The following PRKN variants were observed in gnomAD, a reference collection of about 807,000 sequenced individuals.
The protein encoded by PRKN is E3 ubiquitin-protein ligase parkin.
In PRKN, 56 loss-of-function variants were observed where a neutral mutation model predicts 59.5. The observed-to-expected ratio is 0.94, with a 90% confidence interval of 0.76 to 1.18. PRKN has a LOEUF of 1.18. Among genes scored for constraint, PRKN ranks in the 50% most tolerant of loss-of-function variants. PRKN has a pLI of 0.00. For synonymous variants in PRKN, 250 were observed against 222.1 expected (o/e 1.13, Z -1.12); for missense variants, 657 against 596.4 (o/e 1.10, Z -1.06).
chr6:162,256,826 A>C (rs946656689), intron 3 of PRKN, among the ~76,000 whole-genome samples: 4 of 152,160 alleles, frequency 2.6e-5, no homozygotes, highest in African/African-American at 9.7e-5. Context: ...TTGAAATCAC[A>C]ATATGACCTT....
intron 1 of PRKN, among the ~76,000 whole-genome samples, chr6:162,641,331 TAA>T (rs796494994): frequency 2.6e-5 from 4 of 152,158 alleles, no homozygotes; most frequent in African/African-American, 9.6e-5. Context: ...GCATTAGATG[TAA>T]AAGACATTTT....
intron 7 of PRKN, among the ~76,000 whole-genome samples, chr6:161,743,959 G>A (rs1316290756): frequency 3.3e-5 from 5 of 152,032 alleles, no homozygotes; most frequent in Non-Finnish European, 7.4e-5. Context: ...ACTGTTCCAC[G>A]GAGCCCTGGG....
At chr6:161,668,267 A>G (rs1362829282) in intron 7 of PRKN, among the ~76,000 whole-genome samples, 1 of 92,720 alleles carries the variant, frequency 1.1e-5, no homozygotes, top group Admixed American at 1.8e-4. Flanking sequence ...TCATATAAAG[A>G]AAAAAAAAAA....
intron 6 of PRKN, among the ~76,000 whole-genome samples, chr6:161,842,466 T>TA (rs61182650): frequency 0.34 from 46,690 of 135,644 alleles, 7,972 homozygotes; most frequent in East Asian, 0.46. Flanking sequence ...AATGAGACTC[T>TA]AAAAAAAAAA....
chr6:162,716,417 G>A lies in PRKN; in HGVS notation c.7+11245C>T. Among the ~76,000 whole-genome samples, 2 of 152,112 alleles carry A rather than the reference G, an allele frequency of 1.3e-5. 1 individual carries two copies. On this transcript the variant is annotated intron_variant, in intron 1 of 11. Transcript: ENST00000366898. Reference sequence around the variant, plus strand: ...CCCATATTAGTTATTATTTACAAAGGACAGGACAATGTTAAACTATTCCAG... The same window carrying A: ...CCCATATTAGTTATTATTTACAAAGAACAGGACAATGTTAAACTATTCCAG...
intron 2 of PRKN, among the ~76,000 whole-genome samples, chr6:162,319,188 C>A (rs1459874761): frequency 1.3e-5 from 2 of 151,854 alleles, no homozygotes; most frequent in Non-Finnish European, 2.9e-5. Flanking sequence ...ATAAAGTAAA[C>A]TAGTAAATTG....
chr6:161,965,643 T>C (rs1337774590), intron 6 of PRKN, among the ~76,000 whole-genome samples: 1 of 151,940 alleles, frequency 6.6e-6, no homozygotes, highest in Non-Finnish European at 1.5e-5. Context: ...CACAGCTTGG[T>C]TTTATACATG....
chr6:161,459,641 A>G lies in PRKN; in HGVS notation c.1084-72764T>C, dbSNP rs1261077896. Among the ~76,000 whole-genome samples, 2 of 152,180 alleles carry G rather than the reference A, an allele frequency of 1.3e-5. No individual in the cohort carries two copies. The highest frequency in any genetic ancestry group is 6.5e-5 in the Admixed American group (1 of 15,288). ...CTGTCAGCCCTAGAACTCCCTCACA[A>G]GCAAGCTATTTTCCCGTTTTTCTCA... On this transcript the variant is annotated intron_variant, in intron 9 of 11. Coordinates refer to ENST00000366898, the MANE Select transcript of PRKN (RefSeq NM_004562.3). The surrounding 1 kb of genome is among the most constrained non-coding windows in gnomAD (Gnocchi z 4.8).
chr6:162,708,915 G>A (rs548324529), intron 1 of PRKN, among the ~76,000 whole-genome samples: 1 of 152,278 alleles, frequency 6.6e-6, no homozygotes, highest in Non-Finnish European at 1.5e-5. Flanking sequence ...ACCTTCCTCT[G>A]TATTTACAGG....
chr6:161,958,790 G>T (rs867696431), intron 6 of PRKN, among the ~76,000 whole-genome samples: 10 of 151,738 alleles, frequency 6.6e-5, no homozygotes, highest in Middle Eastern at 3.4e-3. Flanking sequence ...TGAGGCAGAA[G>T]AATTGCTTGC....
At chr6:162,304,488 GT>G (rs1782122196) in intron 2 of PRKN, among the ~76,000 whole-genome samples, 1 of 134,206 alleles carries the variant, frequency 7.5e-6, no homozygotes, top group South Asian at 2.4e-4. Context: ...GACTCATCCA[GT>G]TCTATCTATC....
At position 162,404,029 on chromosome 6, in the gene PRKN, T is replaced by G. The variant is rs7769770; in HGVS notation, c.171+39281A>C. On this transcript the variant is annotated intron_variant, in intron 2 of 11. Coordinates refer to ENST00000366898, the MANE Select transcript of PRKN (RefSeq NM_004562.3). ...AGTAGGTCTTCCCTATCCTAATACA[T>G]AAAATAGAGGTTGGTTGGCAATTTG... Among the ~76,000 whole-genome samples, 931 of 152,220 alleles carry G rather than the reference T, an allele frequency of 6.1e-3. 7 individuals carry two copies. The highest frequency in any genetic ancestry group is 0.019 in the African/African-American group (779 of 41,534).
intron 1 of PRKN, among the ~76,000 whole-genome samples, chr6:162,638,722 A>C (rs1339811877): frequency 6.9e-6 from 1 of 145,074 alleles, no homozygotes; most frequent in Admixed American, 7.1e-5. Context: ...TAGGATCTCT[A>C]TGACTGCTAA....
intron 4 of PRKN, among the ~76,000 whole-genome samples, chr6:162,195,065 C>T (rs906231418): frequency 2.0e-5 from 3 of 152,184 alleles, no homozygotes; most frequent in African/African-American, 7.2e-5. Flanking sequence ...GCACACTTTC[C>T]ACCCTGGAGC....
intron 3 of PRKN, among the ~76,000 whole-genome samples, chr6:162,257,741 C>A (rs925160740): frequency 6.6e-6 from 1 of 152,102 alleles, no homozygotes; most frequent in Non-Finnish European, 1.5e-5. Context: ...ATGGCCCGTT[C>A]GCGATGTTCT....
intron 2 of PRKN, among the ~76,000 whole-genome samples, chr6:162,431,179 TAAAAAA>T (rs61146591): frequency 1.5e-5 from 2 of 134,156 alleles, no homozygotes; most frequent in Non-Finnish European, 3.2e-5. Context: ...ATTTAGTTGC[TAAAAAA>T]AAAAAGAAAA....
chr6:162,001,194 C>G (rs149277614), intron 5 of PRKN, among the ~76,000 whole-genome samples: 48 of 152,042 alleles, frequency 3.2e-4, no homozygotes, highest in African/African-American at 9.9e-4. Context: ...ACATGCTGGA[C>G]TTTTTATTGT....
intron 1 of PRKN, among the ~76,000 whole-genome samples, chr6:162,659,656 G>A (rs1286628092): frequency 6.6e-6 from 1 of 151,778 alleles, no homozygotes; most frequent in Non-Finnish European, 1.5e-5. Flanking sequence ...CCCATTAGGT[G>A]CCAAAAAGAA....
chr6:161,490,339 TTC>T (rs146235423), intron 9 of PRKN, among the ~76,000 whole-genome samples: 39 of 134,138 alleles, frequency 2.9e-4, no homozygotes, highest in Admixed American at 5.3e-4. Flanking sequence ...CTTGCTTGCT[TTC>T]TCTCTCTCTC....
Sources: gnomAD v4.1 joint callset for allele counts (sites outside exome capture counted in the v4.1 genomes callset) on GRCh38, gnomAD v4.1.1 for gene constraint, Gnocchi (gnomAD v3.1) non-coding constraint, MANE v1.5 for transcripts, NCBI Gene and HGNC (gene_info 2026-07-23, HGNC 2026-07-21) for gene names.